Variants in EIF2S1 observed in about 807,000 individuals in gnomAD.
EIF2S1 encodes eukaryotic translation initiation factor 2 subunit alpha.
Under a neutral mutation model 33.5 loss-of-function variants are expected in EIF2S1, and 5 were observed. The observed-to-expected ratio is 0.15, with a 90% CI of 0.08 to 0.31. EIF2S1 has a LOEUF of 0.31. EIF2S1 is among the 10% of genes least tolerant of loss of function. EIF2S1 has a pLI of 1.00. For missense variants in EIF2S1, 191 were observed against 384.6 expected (o/e 0.50, Z 4.21); for synonymous variants, 99 against 127.5 (o/e 0.78, Z 1.51).
chr14:67,368,901 A>C (rs2085799647), intron 2 of EIF2S1, among the ~76,000 whole-genome samples: 1 of 152,178 alleles, frequency 6.6e-6, no homozygotes, highest in Non-Finnish European at 1.5e-5. Context: ...TAAAAGCCAA[A>C]GATATATTAA....
chr14:67,375,499 A>G (rs2085852687), intron 3 of EIF2S1, among the ~76,000 whole-genome samples: 1 of 151,102 alleles, frequency 6.6e-6, no homozygotes, highest in Non-Finnish European at 1.5e-5. Flanking sequence ...CTTTTCTGCC[A>G]TGAGTGTTTC....
At chr14:67,377,707 C>T (rs1330651990) in intron 4 of EIF2S1, among the ~76,000 whole-genome samples, 1 of 152,140 alleles carries the variant, frequency 6.6e-6, no homozygotes, top group Non-Finnish European at 1.5e-5. Context: ...TGCTTTTACT[C>T]CATCAGCATA....
At position 67,383,637 on chromosome 14, in the gene EIF2S1, C is replaced by G; in HGVS notation, c.*197C>G. The G allele has an allele frequency of 1.6e-6, 1 of 644,670 alleles. No homozygotes were observed. Among genetic ancestry groups the G allele is most frequent in the Non-Finnish European group, 2.6e-6 (1 of 391,640 alleles). The allele number at this position is 644,670 out of a possible 1,614,324, so 39.9% of individuals were successfully genotyped here. Reference sequence around the variant, plus strand: ...CTGTTGTCACACAGTAGCTCCAACACTTTGAGCATTTTTAAGGGAGTGGCC... The same window carrying G: ...CTGTTGTCACACAGTAGCTCCAACAGTTTGAGCATTTTTAAGGGAGTGGCC... On this transcript the variant is annotated 3_prime_UTR_variant, in exon 8 of 8. Transcript: ENST00000256383.
intron 4 of EIF2S1, among the ~76,000 whole-genome samples, chr14:67,377,705 C>T (rs537652063): frequency 1.3e-5 from 2 of 152,242 alleles, no homozygotes; most frequent in South Asian, 4.1e-4. Flanking sequence ...ATTGCTTTTA[C>T]TCCATCAGCA....
At chr14:67,374,580 A>T (rs1415362569) in intron 3 of EIF2S1, 33 bp downstream of exon 3, 1 of 1,383,874 alleles carries the variant, frequency 7.2e-7, no homozygotes. Context: ...TTAGTCCACT[A>T]TCTGTGTGTT....
At chr14:67,367,162 C>A (rs138267036) in intron 2 of EIF2S1, among the ~76,000 whole-genome samples, 3 of 152,230 alleles carry the variant, frequency 2.0e-5, no homozygotes, top group Non-Finnish European at 2.9e-5. Flanking sequence ...ATTTCAGTTG[C>A]TTACCATCTG....
intron 1 of EIF2S1, among the ~76,000 whole-genome samples, chr14:67,363,741 G>A (rs1595642988): frequency 6.6e-6 from 1 of 152,166 alleles, no homozygotes; most frequent in Admixed American, 6.5e-5. Flanking sequence ...AAGTCAGTGG[G>A]AAGCCACTGA....
intron 2 of EIF2S1, among the ~76,000 whole-genome samples, chr14:67,372,297 G>A (rs543038356): frequency 1.3e-5 from 2 of 152,216 alleles, no homozygotes; most frequent in Non-Finnish European, 2.9e-5. Flanking sequence ...TTATACAAAA[G>A]TTAGCTTAAA....
chr14:67,382,730 G>A, intron 7 of EIF2S1, 140 bp downstream of exon 7: 1 of 894,412 alleles, frequency 1.1e-6, no homozygotes, highest in Non-Finnish European at 1.8e-6. Flanking sequence ...TGGTGTTAGG[G>A]TCACCCCCCG....
intron 2 of EIF2S1, 89 bp downstream of exon 2, chr14:67,365,097 TAAAA>T (rs879002099): frequency 1.6e-6 from 2 of 1,227,228 alleles, no homozygotes; most frequent in Non-Finnish European, 1.1e-6. Flanking sequence ...AGCTGCAGCT[TAAAA>T]AAAAAAGCTC....
chr14:67,377,087 T>C (rs983516815), intron 4 of EIF2S1, among the ~76,000 whole-genome samples: 1 of 152,238 alleles, frequency 6.6e-6, no homozygotes, highest in African/African-American at 2.4e-5. Flanking sequence ...TTCTGTATGT[T>C]AGGATCTGAT....
At chr14:67,376,917 C>T (rs1410643945) in intron 4 of EIF2S1, among the ~76,000 whole-genome samples, 1 of 152,212 alleles carries the variant, frequency 6.6e-6, no homozygotes, top group African/African-American at 2.4e-5. Flanking sequence ...TGACTTTCAG[C>T]CCACACCACT....
rs187250604 is a variant in EIF2S1 at position 67,372,806 on chromosome 14, G to A, written c.242-1662G>A. Among the ~76,000 whole-genome samples the A allele has an allele frequency of 6.7e-5, 10 of 148,596 alleles. No homozygotes were observed. The East Asian group carries it at 1.6e-3, about 24-fold the overall frequency. ...TTGCCCCACTGCACTCCAGCCTGGC[G>A]ACAGAGCAAGACTCCATCTCAAAAA... On this transcript the variant is annotated intron_variant, in intron 2 of 7. Coordinates refer to ENST00000256383, the MANE Select transcript of EIF2S1 (RefSeq NM_004094.5).
At chr14:67,382,735 C>T in intron 7 of EIF2S1, 145 bp downstream of exon 7, 3 of 849,358 alleles carry the variant, frequency 3.5e-6, no homozygotes, top group African/African-American at 1.7e-5. Context: ...TTAGGGTCAC[C>T]CCCCGTCCCC....
chr14:67,374,552 GTTGATCT>G lies in EIF2S1; in HGVS notation c.321+10_321+16del, dbSNP rs1234726643. The G allele has an allele frequency of 5.0e-6, 8 of 1,593,952 alleles. No individual in the cohort carries two copies. The African/African-American group carries it at 9.4e-5, about 19-fold the overall frequency. On this transcript the variant is annotated splice_donor_region_variant and intron_variant, in intron 3 of 7. Coordinates refer to ENST00000256383, the MANE Select transcript of EIF2S1 (RefSeq NM_004094.5). ...AAATTCACAAAATCCAAAACTGTAA[GTTGATCT>G]TTGAGTCAAATTAGTCCACTATCTG...
chr14:67,378,755 G>A (rs1207611962), intron 4 of EIF2S1, among the ~76,000 whole-genome samples: 1 of 151,908 alleles, frequency 6.6e-6, no homozygotes, highest in Non-Finnish European at 1.5e-5. Flanking sequence ...ATTCATGTAG[G>A]GACTGTCCAG....
chr14:67,377,433 C>G (rs1025254692), intron 4 of EIF2S1, among the ~76,000 whole-genome samples: 3 of 152,224 alleles, frequency 2.0e-5, no homozygotes, highest in African/African-American at 7.2e-5. Context: ...CAGAAAACCA[C>G]TCTATCCCTG....
intron 2 of EIF2S1, among the ~76,000 whole-genome samples, chr14:67,371,563 A>C (rs1276852547): frequency 6.6e-6 from 1 of 152,242 alleles, no homozygotes; most frequent in Non-Finnish European, 1.5e-5. Context: ...TAGCCTATAC[A>C]CACATAGGTT....
In EIF2S1 at chr14:67,362,702, G is replaced by A. The variant is rs1566608296; in HGVS notation, c.-1-2065G>A. Among the ~76,000 whole-genome samples the A allele has an allele frequency of 2.0e-5, 3 of 152,072 alleles. No individual in the cohort carries two copies. The South Asian group carries it at 6.2e-4, about 32-fold the overall frequency. On this transcript the variant is annotated intron_variant, in intron 1 of 7. Transcript: ENST00000256383. ...AATGCTGTGAAAAAGATAAAGAGGTGAAGTCACCTAGTGTGACTTCGATAT... is the reference window on the plus strand; with the variant it reads ...AATGCTGTGAAAAAGATAAAGAGGTAAAGTCACCTAGTGTGACTTCGATAT...
Sources: allele counts gnomAD v4.1 joint callset (sites outside exome capture counted in the v4.1 genomes callset), GRCh38; gene constraint gnomAD v4.1.1; transcripts MANE v1.5; gene names NCBI Gene and HGNC (gene_info 2026-07-23, HGNC 2026-07-21).